The following FBLN7 variants were observed in gnomAD, a reference collection of about 807,000 sequenced individuals.
FBLN7 encodes fibulin 7, also known as fibulin-7.
In FBLN7, 31 loss-of-function variants were observed where a neutral mutation model predicts 44.0. The observed-to-expected ratio is 0.70, with a 90% CI of 0.53 to 0.95. The LOEUF (loss-of-function observed/expected upper bound fraction) is 0.95. Ranked by LOEUF, FBLN7 falls within the 40% of genes least tolerant of loss-of-function variation. The pLI is 0.00. For synonymous variants in FBLN7, 262 were observed against 253.4 expected, an observed-to-expected ratio of 1.03 and a Z score of -0.32; for missense variants, 573 against 618.5, an observed-to-expected ratio of 0.93 and a Z score of 0.78.
intron 1 of FBLN7, among the ~76,000 whole-genome samples, chr2:112,146,486 T>C (rs1680902610): frequency 6.6e-6 from 1 of 152,196 alleles, no homozygotes; most frequent in Non-Finnish European, 1.5e-5. Flanking sequence ...TTTGGTTTCT[T>C]TCATCAGTAT....
chr2:112,213,572 C>T, the FBLN7 span: 324 of 151,434 alleles, frequency 2.1e-3, 1 homozygote, highest in Non-Finnish European at 3.6e-3. Flanking sequence ...GTCAGGAGAT[C>T]GAGACCATCT....
At chr2:112,146,342 C>G (rs1311156065) in intron 1 of FBLN7, among the ~76,000 whole-genome samples, 2 of 152,158 alleles carry the variant, frequency 1.3e-5, no homozygotes, top group African/African-American at 4.8e-5. Flanking sequence ...ACAACAACAG[C>G]AACCAGAAAC....
chr2:112,159,626 G>T (rs1485966254), intron 1 of FBLN7, 50 bp from the exon 2 acceptor site: 14 of 1,446,822 alleles, frequency 9.7e-6, no homozygotes, highest in African/African-American at 1.5e-5. Flanking sequence ...CAAGCATGTG[G>T]GACTGAGTCA....
the FBLN7 span, among the ~76,000 whole-genome samples, chr2:112,201,419 G>A: frequency 4.7e-4 from 72 of 152,116 alleles, 1 homozygote; most frequent in African/African-American, 1.6e-3. Context: ...CTCAGGTCTC[G>A]CATTTGTTCC....
At chr2:112,226,230 A>T in the FBLN7 span, among the ~76,000 whole-genome samples, 13 of 151,766 alleles carry the variant, frequency 8.6e-5, no homozygotes, top group South Asian at 4.2e-4. Context: ...TTTTTTTTTT[A>T]AAAAAGAAAA....
the FBLN7 span, among the ~76,000 whole-genome samples, chr2:112,220,775 C>T: frequency 6.6e-6 from 1 of 152,156 alleles, no homozygotes; most frequent in South Asian, 2.1e-4. Flanking sequence ...GAGCTGAGAT[C>T]GTGCCATTGC....
chr2:112,139,490 C>T (rs1680527977), intron 1 of FBLN7, among the ~76,000 whole-genome samples: 1 of 9,132 alleles, frequency 1.1e-4, no homozygotes, highest in Non-Finnish European at 1.9e-4. Context: ...GTGTCCCTCC[C>T]GCCTCTCTCC....
In FBLN7 at chr2:112,172,634, T is replaced by C. The variant is rs902557612; in HGVS notation, c.407-3080T>C. On this transcript the variant is annotated intron_variant, in intron 3 of 7. Coordinates refer to ENST00000331203, the MANE Select transcript of FBLN7 (RefSeq NM_153214.3). ...CACCTTTTCTTTTTCTTTCTTTTTT[T>C]TTTTTTTTTTTTTTTTTGAGACAGA... Among the ~76,000 whole-genome samples, 6 of 134,692 alleles carry C rather than the reference T, an allele frequency of 4.5e-5. No individual in the cohort carries two copies. In the East Asian group the frequency reaches 8.2e-4, roughly 18 times the overall value. 88.4% of individuals were successfully genotyped at this position (134,692 alleles called of 152,430 possible).
chr2:112,169,396 T>C (rs1409537600), intron 3 of FBLN7, among the ~76,000 whole-genome samples: 1 of 152,212 alleles, frequency 6.6e-6, no homozygotes, highest in Admixed American at 6.5e-5. Context: ...TTTATTTTCC[T>C]TTTTTCCTCC....
chr2:112,220,940 ATCT>A, the FBLN7 span, among the ~76,000 whole-genome samples: 5 of 152,190 alleles, frequency 3.3e-5, no homozygotes, highest in Non-Finnish European at 2.9e-5. Context: ...CATGAGGATG[ATCT>A]TCTTGTGTAG....
In FBLN7 at chr2:112,187,464, C is replaced by T. The variant is rs140094535; in HGVS notation, c.1278C>T (p.His426=). ...TGGACCGCTCCTTCCAGGCCAACCACGTGTCCAAGGTCACCATCTTTGTAT... is the reference window on the plus strand; with the variant it reads ...TGGACCGCTCCTTCCAGGCCAACCATGTGTCCAAGGTCACCATCTTTGTAT... ...EYLDRSFQAN[H]VSKVTIFVSP... is the part of the protein sequence containing the mutation. Residue 426 remains histidine (H), a synonymous_variant, in exon 8 of 8, where the codon CAC becomes CAT. Coordinates refer to ENST00000331203, the MANE Select transcript of FBLN7 (RefSeq NM_153214.3). The surrounding 1 kb of genome is among the most constrained non-coding windows in gnomAD (Gnocchi z 5.1). The T allele has an allele frequency of 5.5e-4, 887 of 1,614,214 alleles. 4 individuals are homozygous for T. In the African/African-American group the frequency reaches 9.7e-3, roughly 18 times the overall value.
chr2:112,192,644 T>C (rs1683526865), downstream of FBLN7, among the ~76,000 whole-genome samples: 1 of 152,144 alleles, frequency 6.6e-6, no homozygotes, highest in African/African-American at 2.4e-5. Flanking sequence ...CACAGTCAAC[T>C]TGATGGGTTT....
At chr2:112,151,745 A>G (rs532811451) in intron 1 of FBLN7, 2 of 152,256 alleles carry the variant, frequency 1.3e-5, no homozygotes, top group Non-Finnish European at 2.9e-5. Flanking sequence ...GAGAAGGCTC[A>G]TATACCCGGC....
In FBLN7 at chr2:112,181,756, G is replaced by T; in HGVS notation, c.550G>T (p.Val184Leu). ...CCCCGCAGCCGCCCCCGAGGGCAGC[G>T]TGGCCGGCGACTCCGCCTTCAGCCG... The part of the protein sequence containing the change: ...QAQTAAPEGS[V>L]AGDSAFSRAP... Residue 184 changes from valine to leucine, a missense_variant, in exon 5 of 8, where the codon GTG (valine) becomes TTG (leucine). Val to Leu is a conservative substitution (Grantham distance 32, BLOSUM62 1). Transcript: ENST00000331203. The T allele has an allele frequency of 7.1e-7, 1 of 1,403,008 alleles. No individual in the cohort carries two copies. The highest frequency in any genetic ancestry group is 1.5e-5 in the South Asian group (1 of 64,782). 86.9% of individuals were successfully genotyped at this position (1,403,008 alleles called of 1,614,324 possible). A position where few individuals can be genotyped will look rare whatever the true frequency, so the allele number is the denominator to read the frequency against.
chr2:112,166,659 ACCTCC>A (rs1256532273), intron 3 of FBLN7, among the ~76,000 whole-genome samples: 1 of 152,042 alleles, frequency 6.6e-6, no homozygotes, highest in Non-Finnish European at 1.5e-5. Flanking sequence ...CAGGTTAAGC[ACCTCC>A]TGGGTGATAA....
chr2:112,179,958 G>T (rs1467374997), intron 4 of FBLN7, among the ~76,000 whole-genome samples: 1 of 152,138 alleles, frequency 6.6e-6, no homozygotes, highest in African/African-American at 2.4e-5. Flanking sequence ...GATACCAAAA[G>T]CAATTACAAC....
chr2:112,165,082 C>T lies in FBLN7; in HGVS notation c.317C>T (p.Thr106Ile). The T allele has an allele frequency of 2.5e-6, 4 of 1,614,208 alleles. No homozygotes were observed. The highest frequency in any genetic ancestry group is 2.2e-5 in the South Asian group (2 of 91,086). ...TTAGTGGATCACGAAGTCCATTTTA[C>T]CTGCAACCCTGGGTTCCGGCTGGTC... ...KYLVDHEVHFTCNPGFRLVGP... is the reference protein window; with the variant it reads ...KYLVDHEVHFICNPGFRLVGP... Residue 106 changes from threonine to isoleucine, a missense_variant, in exon 3 of 8, where the codon ACC becomes ATC. By Grantham distance (89) the Thr-to-Ile change is moderately conservative. Coordinates refer to ENST00000331203, the MANE Select transcript of FBLN7 (RefSeq NM_153214.3).
At chr2:112,183,072 C>T (rs954046533) in intron 6 of FBLN7, 144 bp downstream of exon 6, 3 of 1,079,264 alleles carry the variant, frequency 2.8e-6, no homozygotes, top group South Asian at 1.6e-5. Flanking sequence ...AACCAAAGGG[C>T]TTCTCAAAGG....
Position 112,138,568 on chromosome 2 carries a change from C to A in FBLN7, c.-88C>A. On this transcript the variant is annotated 5_prime_UTR_variant, in exon 1 of 8. Transcript: ENST00000331203. ...CGGCCGCGCGGCGCCCCGCACCCTGCAGGGACGGCTGCCGCATCGCTGGGA... is the reference window on the plus strand; with the variant it reads ...CGGCCGCGCGGCGCCCCGCACCCTGAAGGGACGGCTGCCGCATCGCTGGGA... 1 of 1,600,364 alleles carries A rather than the reference C, an allele frequency of 6.2e-7. No homozygotes were observed. Among genetic ancestry groups the A allele is most frequent in the Admixed American group, 1.7e-5 (1 of 59,430 alleles).
Sources: allele counts gnomAD v4.1 joint callset (sites outside exome capture counted in the v4.1 genomes callset), GRCh38; gene constraint gnomAD v4.1.1; non-coding constraint Gnocchi (gnomAD v3.1); transcripts MANE v1.5; gene names NCBI Gene and HGNC (gene_info 2026-07-23, HGNC 2026-07-21).